The following FARP2 variants were observed in gnomAD, a reference collection of about 807,000 sequenced individuals.
FARP2 encodes the protein FERM, ARH/RhoGEF and pleckstrin domain protein 2.
FARP2 carries 111 observed loss-of-function variants against 130.5 expected under a neutral mutation model. The ratio of observed to expected loss-of-function variants is 0.85; its 90% confidence interval spans 0.73 to 1.00. The LOEUF (loss-of-function observed/expected upper bound fraction) is 1.00. Ranked by LOEUF, FARP2 falls within the 50% of genes least tolerant of loss-of-function variation. The probability of loss-of-function intolerance (pLI) is 0.00; values close to 1 mark genes in which losing one functional copy is unlikely to be tolerated. For synonymous variants in FARP2, 504 were observed against 516.9 expected, an observed-to-expected ratio of 0.98 and a Z score of 0.34; for missense variants, 1,385 against 1,346.3, an observed-to-expected ratio of 1.03 and a Z score of -0.45.
intron 26 of FARP2, chr2:241,493,657 C>A (rs978898930): frequency 5.2e-6 from 3 of 576,618 alleles, no homozygotes; most frequent in South Asian, 4.1e-5. Flanking sequence ...TGCAGTGATA[C>A]AATCTTGGCT....
chr2:241,478,417 C>T (rs973620907), intron 19 of FARP2: 8 of 245,792 alleles, frequency 3.3e-5, no homozygotes, highest in East Asian at 1.2e-4. Context: ...GCCCAGCACC[C>T]GGTAGCTTGT....
At chr2:241,489,476 CA>C (rs1201599431) in intron 21 of FARP2, 1 of 153,070 alleles carries the variant, frequency 6.5e-6, no homozygotes, top group Non-Finnish European at 1.5e-5. Flanking sequence ...TTGCATTCCC[CA>C]AACAACCTTA....
At chr2:241,486,309 T>TA (rs71049579) in intron 21 of FARP2, among the ~76,000 whole-genome samples, 7 of 146,686 alleles carry the variant, frequency 4.8e-5, no homozygotes, top group Admixed American at 6.8e-5. Context: ...TTTTTTTTTT[T>TA]AATTAGCTGA....
chr2:241,379,054 C>CT (rs1198276669), intron 2 of FARP2, among the ~76,000 whole-genome samples: 2 of 152,174 alleles, frequency 1.3e-5, no homozygotes, highest in African/African-American at 4.8e-5. Flanking sequence ...GGTAGAAATA[C>CT]TTTCAGCTCC....
intron 1 of FARP2, among the ~76,000 whole-genome samples, chr2:241,365,011 C>T (rs1030581020): frequency 2.0e-5 from 3 of 152,184 alleles, no homozygotes; most frequent in African/African-American, 7.2e-5. Context: ...CAAGCAGCTT[C>T]GTTTTCAAGG....
intron 13 of FARP2, among the ~76,000 whole-genome samples, chr2:241,454,539 C>T (rs909612992): frequency 6.6e-6 from 1 of 152,170 alleles, no homozygotes; most frequent in Non-Finnish European, 1.5e-5. Flanking sequence ...CCCCAAACAG[C>T]GCATCTTCGG....
chr2:241,483,018 C>T (rs2064656641), intron 19 of FARP2, among the ~76,000 whole-genome samples: 1 of 135,784 alleles, frequency 7.4e-6, no homozygotes, highest in Admixed American at 7.4e-5. Flanking sequence ...TCCTCCCATT[C>T]TCGAACCTGC....
rs2064634211 is a variant in FARP2, at chr2:241,482,266, G to A, written c.2263-1199G>A. Among the ~76,000 whole-genome samples, 1 of 152,224 alleles carries A rather than the reference G, an allele frequency of 6.6e-6. No homozygotes were observed. Among genetic ancestry groups the A allele is most frequent in the African/African-American group, 2.4e-5 (1 of 41,454 alleles). The stretch of plus-strand genomic sequence containing the variant: ...ACGGTGCTGAGCCTCACAGCTGGCA[G>A]CGGGGCCAGTGCATGGTGGAGAAGG... On this transcript the variant is annotated intron_variant, in intron 19 of 26. Transcript: ENST00000264042. This position sits in a 1 kb window ranked among gnomAD's most constrained non-coding sequence, Gnocchi z 4.6.
rs957008087 is a variant in FARP2 at position 241,358,058 on chromosome 2, G to A, written c.-25+1670G>A. Among the ~76,000 whole-genome samples the A allele has an allele frequency of 5.3e-5, 8 of 152,114 alleles. No homozygotes were observed. In the East Asian group the frequency reaches 1.2e-3, roughly 22 times the overall value. On this transcript the variant is annotated intron_variant, in intron 1 of 26. Coordinates refer to ENST00000264042, the MANE Select transcript of FARP2 (RefSeq NM_014808.4). ...TACAAAAATTAGCTGGGCTGGTGGC[G>A]CACGCCTGTAATCATAGCTACTTGA...
chr2:241,416,958 G>A (rs1175045049), intron 7 of FARP2, among the ~76,000 whole-genome samples: 2 of 151,856 alleles, frequency 1.3e-5, no homozygotes, highest in African/African-American at 2.4e-5. Context: ...GTGAGAAAAC[G>A]GGTTTATAAG....
Position 241,395,132 on chromosome 2 carries a change from A to C in FARP2, c.184-8696A>C, listed in dbSNP as rs79994854. 3.2e-3 allele frequency among the ~76,000 whole-genome samples: 484 copies of C among 152,294 alleles called. 2 individuals are homozygous for C. Among genetic ancestry groups the C allele is most frequent in the African/African-American group, 0.011 (472 of 41,544 alleles). ...GCCTAAGCATACCCACCAAGTGGAAACCAGGATTCCTACTCCAAAGCCTCT... is the reference window on the plus strand; with the variant it reads ...GCCTAAGCATACCCACCAAGTGGAACCCAGGATTCCTACTCCAAAGCCTCT... On this transcript the variant is annotated intron_variant, in intron 2 of 26. Transcript: ENST00000264042.
intron 8 of FARP2, among the ~76,000 whole-genome samples, chr2:241,424,291 A>C (rs971611347): frequency 1.3e-5 from 2 of 152,186 alleles, no homozygotes; most frequent in Admixed American, 6.5e-5. Context: ...TCAAATTAGA[A>C]CTCAAGATTT....
chr2:241,441,244 CT>C, intron 12 of FARP2, 59 bp from the exon 13 acceptor site: 3 of 1,505,278 alleles, frequency 2.0e-6, no homozygotes, highest in Non-Finnish European at 2.7e-6. Context: ...GGCTTTGCAA[CT>C]TCTAGTGGTA....
At chr2:241,453,772 T>TTG (rs2063754920) in intron 13 of FARP2, among the ~76,000 whole-genome samples, 2 of 11,504 alleles carry the variant, frequency 1.7e-4, no homozygotes. Flanking sequence ...CTTACTGGTT[T>TTG]TTTTTTTTTT....
intron 17 of FARP2, among the ~76,000 whole-genome samples, chr2:241,464,294 G>A (rs938765134): frequency 4.0e-5 from 6 of 150,998 alleles, no homozygotes; most frequent in Non-Finnish European, 5.9e-5. Context: ...TCAGAGTGGG[G>A]TTTCCTCAAA....
intron 14 of FARP2, among the ~76,000 whole-genome samples, chr2:241,457,757 GAA>G (rs2063899327): frequency 6.7e-6 from 1 of 148,888 alleles, no homozygotes; most frequent in Admixed American, 6.6e-5. Context: ...ACCCAGTGTA[GAA>G]ACATCTGGGT....
chr2:241,457,019 G>A (rs2063863727), intron 14 of FARP2, 97 bp downstream of exon 14: 5 of 1,127,448 alleles, frequency 4.4e-6, no homozygotes, highest in Non-Finnish European at 4.9e-6. Context: ...CTGGGGCGGG[G>A]CAGGGAAGGG....
At position 241,462,511 on chromosome 2, in the gene FARP2, T is replaced by A; in HGVS notation, c.1588-12T>A. The A allele has an allele frequency of 6.2e-7, 1 of 1,608,388 alleles. No individual in the cohort carries two copies. Among genetic ancestry groups the A allele is most frequent in the Non-Finnish European group, 8.5e-7 (1 of 1,174,722 alleles). ...CCAGGGACGCACACTTACAGCTCTC[T>A]GCTTCTTTCAGCGCGTGCCTGCAGA... On this transcript the variant is annotated splice_polypyrimidine_tract_variant and intron_variant, in intron 14 of 26. Transcript: ENST00000264042.
At chr2:241,360,475 A>G (rs1428413079) in intron 1 of FARP2, among the ~76,000 whole-genome samples, 1 of 152,160 alleles carries the variant, frequency 6.6e-6, no homozygotes, top group Admixed American at 6.5e-5. Context: ...GATGAAGACC[A>G]TCCTGGCTAA....
Sources: allele counts gnomAD v4.1 joint callset (sites outside exome capture counted in the v4.1 genomes callset), GRCh38; gene constraint gnomAD v4.1.1; non-coding constraint Gnocchi (gnomAD v3.1); transcripts MANE v1.5; gene names NCBI Gene and HGNC (gene_info 2026-07-23, HGNC 2026-07-21).